The following CEP128 variants were observed in gnomAD, a reference collection of about 807,000 sequenced individuals.
CEP128 encodes the protein centrosomal protein 128.
Under a neutral mutation model 156.7 loss-of-function variants are expected in CEP128, and 132 were observed. The ratio of observed to expected loss-of-function variants is 0.84; its 90% CI spans 0.73 to 0.97. The LOEUF is 0.97. Ranked by LOEUF, CEP128 falls within the 50% of genes least tolerant of loss-of-function variation. CEP128 has a pLI of 0.00. For synonymous variants in CEP128, 469 were observed against 448.9 expected, an observed-to-expected ratio of 1.04 and a Z score of -0.57; for missense variants, 1,252 against 1,281.9, an observed-to-expected ratio of 0.98 and a Z score of 0.36.
chr14:80,790,085 T>C (rs1901625691), intron 14 of CEP128, among the ~76,000 whole-genome samples: 1 of 152,102 alleles, frequency 6.6e-6, no homozygotes, highest in African/African-American at 2.4e-5. Flanking sequence ...TACATATAAC[T>C]CTTTTTTTCT....
At chr14:80,874,979 C>T (rs973784364) in intron 8 of CEP128, among the ~76,000 whole-genome samples, 3 of 152,172 alleles carry the variant, frequency 2.0e-5, no homozygotes, top group Non-Finnish European at 4.4e-5. Context: ...ATAAGAATAA[C>T]ATGCAGAAGA....
intron 13 of CEP128, among the ~76,000 whole-genome samples, chr14:80,818,208 A>T (rs943624895): frequency 2.6e-5 from 4 of 152,228 alleles, no homozygotes; most frequent in Middle Eastern, 3.4e-3. Flanking sequence ...ACATAGAGAC[A>T]GGGTCTTACT....
At chr14:80,790,425 T>C (rs1901643871) in intron 14 of CEP128, among the ~76,000 whole-genome samples, 2 of 152,016 alleles carry the variant, frequency 1.3e-5, no homozygotes, top group South Asian at 2.1e-4. Context: ...GAAGCAAAAA[T>C]ACCACAACTT....
intron 13 of CEP128, among the ~76,000 whole-genome samples, chr14:80,815,295 C>T (rs1375243524): frequency 6.6e-6 from 1 of 152,034 alleles, no homozygotes. Flanking sequence ...ACATACATGG[C>T]CAACAAGCAT....
At chr14:80,594,336 G>C (rs1016788836) in intron 19 of CEP128, among the ~76,000 whole-genome samples, 3 of 152,142 alleles carry the variant, frequency 2.0e-5, no homozygotes, top group Non-Finnish European at 4.4e-5. Flanking sequence ...ATGAATTAAA[G>C]ACTTAAACAT....
At chr14:80,652,962 G>A (rs1894973118) in intron 19 of CEP128, among the ~76,000 whole-genome samples, 1 of 152,108 alleles carries the variant, frequency 6.6e-6, no homozygotes, top group Non-Finnish European at 1.5e-5. Context: ...ATGATAGACT[G>A]GATTAGCAAA....
At chr14:80,732,754 C>T (rs1027951707) in intron 19 of CEP128, among the ~76,000 whole-genome samples, 1 of 152,006 alleles carries the variant, frequency 6.6e-6, no homozygotes, top group Non-Finnish European at 1.5e-5. Context: ...GAAACACCCA[C>T]AAGAGTGTTC....
chr14:80,690,864 AAAAT>A (rs2139306926), intron 19 of CEP128, among the ~76,000 whole-genome samples: 1 of 152,334 alleles, frequency 6.6e-6, no homozygotes, highest in East Asian at 1.9e-4. Flanking sequence ...TTCTTCATTA[AAAAT>A]AAATACCCAA....
rs537927330 is a variant in CEP128 at position 80,935,665 on chromosome 14, A to C, written c.-16+3720T>G. ...CCCCACCAAAAAAAAAAAAAAAAAA[A>C]AAACAGAACACACATGAGCTAGCTT... On this transcript the variant is annotated intron_variant, in intron 2 of 24. Coordinates refer to ENST00000555265, the MANE Select transcript of CEP128 (RefSeq NM_152446.5). Among the ~76,000 whole-genome samples, 986 of 147,216 alleles carry C rather than the reference A, an allele frequency of 6.7e-3. 14 individuals are homozygous for C. The highest frequency in any genetic ancestry group is 8.9e-3 in the Non-Finnish European group (591 of 66,280).
At chr14:80,925,403 A>T (rs147540448) in intron 2 of CEP128, among the ~76,000 whole-genome samples, 5 of 152,288 alleles carry the variant, frequency 3.3e-5, no homozygotes, top group Non-Finnish European at 5.9e-5. Flanking sequence ...TTATGAAAAG[A>T]AGGGTTTCAA....
rs529292996 is a variant in CEP128, at chr14:80,747,137, T to G, written c.2614-3870A>C. On this transcript the variant is annotated intron_variant, in intron 18 of 24. Coordinates refer to ENST00000555265, the MANE Select transcript of CEP128 (RefSeq NM_152446.5). Reference sequence around the variant, plus strand: ...AAGTCTGACATACTGCCAGTGCGAATGCACAGCAGTGCAATTGCTTTAGAA... The same window carrying G: ...AAGTCTGACATACTGCCAGTGCGAAGGCACAGCAGTGCAATTGCTTTAGAA... Among the ~76,000 whole-genome samples, 12 of 152,354 alleles carry G rather than the reference T, an allele frequency of 7.9e-5. No individual in the cohort carries two copies. In the East Asian group the frequency reaches 1.2e-3, roughly 15 times the overall value.
rs560568234 is a variant in CEP128, at chr14:80,523,150, C to T, written c.3072+3719G>A. Reference sequence around the variant, plus strand: ...GTGGTCATGTTGGATGTTTCAGTGCCTTCTTACAACAGCAACAACATAAGA... The same window carrying T: ...GTGGTCATGTTGGATGTTTCAGTGCTTTCTTACAACAGCAACAACATAAGA... On this transcript the variant is annotated intron_variant, in intron 23 of 24. Transcript: ENST00000555265. 3.7e-4 allele frequency among the ~76,000 whole-genome samples: 57 copies of T among 152,308 alleles called. 2 individuals are homozygous for T. The South Asian group carries it at 8.9e-3, about 24-fold the overall frequency.
chr14:80,604,850 A>C (rs960646163), intron 19 of CEP128, among the ~76,000 whole-genome samples: 1 of 152,104 alleles, frequency 6.6e-6, no homozygotes, highest in African/African-American at 2.4e-5. Flanking sequence ...CTGTTTCAAA[A>C]GTAGTTATCT....
intron 19 of CEP128, among the ~76,000 whole-genome samples, chr14:80,675,922 C>T (rs1174471389): frequency 6.6e-6 from 1 of 152,076 alleles, no homozygotes; most frequent in Non-Finnish European, 1.5e-5. Context: ...AATTGTTCAT[C>T]CATGAACCAA....
intron 19 of CEP128, among the ~76,000 whole-genome samples, chr14:80,622,880 C>T (rs1378411552): frequency 6.7e-6 from 1 of 150,012 alleles, no homozygotes; most frequent in Non-Finnish European, 1.5e-5. Context: ...ACTAGTTCAA[C>T]CATTGTGGAA....
intron 10 of CEP128, 121 bp downstream of exon 10, chr14:80,840,561 A>G (rs888969635): frequency 3.3e-6 from 2 of 608,408 alleles, no homozygotes; most frequent in African/African-American, 3.8e-5. Flanking sequence ...TTGACTCCAC[A>G]TAGAAAGATA....
At chr14:80,955,867 G>C (rs1300468580) in intron 2 of CEP128, 1 of 1,614,090 alleles carries the variant, frequency 6.2e-7, no homozygotes, top group African/African-American at 1.3e-5. Flanking sequence ...ACCCGGGAGA[G>C]ATCAGGGTAG....
chr14:80,582,572 G>T (rs891097990), intron 19 of CEP128, among the ~76,000 whole-genome samples: 6 of 151,876 alleles, frequency 4.0e-5, no homozygotes, highest in Non-Finnish European at 1.5e-5. Context: ...TAGATCTCTT[G>T]CCTACTGCTT....
chr14:80,678,979 C>T (rs924939702), intron 19 of CEP128, among the ~76,000 whole-genome samples: 1 of 152,116 alleles, frequency 6.6e-6, no homozygotes, highest in African/African-American at 2.4e-5. Flanking sequence ...GTCTTTACTG[C>T]CATCTCTGAA....
Sources: allele counts gnomAD v4.1 joint callset (sites outside exome capture counted in the v4.1 genomes callset), GRCh38; gene constraint gnomAD v4.1.1; transcripts MANE v1.5; gene names NCBI Gene and HGNC (gene_info 2026-07-23, HGNC 2026-07-21).